Variants in RIC8B observed in about 807,000 individuals in gnomAD.
RIC8B encodes the protein chaperone Ric-8B.
Under a neutral mutation model 57.5 loss-of-function variants are expected in RIC8B, and 16 were observed. That is an observed-to-expected ratio of 0.28 (90% CI 0.19 to 0.42). The LOEUF is 0.42. Ranked by LOEUF, RIC8B falls within the 10% of genes least tolerant of loss-of-function variation. The pLI, the probability that RIC8B is intolerant of heterozygous loss-of-function variation, is 1.00. For missense variants in RIC8B, 481 were observed against 677.0 expected (o/e 0.71, Z 3.21); for synonymous variants, 216 against 250.8 (o/e 0.86, Z 1.31).
chr12:106,869,898 G>A (rs1254221800), intron 8 of RIC8B, among the ~76,000 whole-genome samples: 1 of 152,090 alleles, frequency 6.6e-6, no homozygotes, highest in East Asian at 1.9e-4. Context: ...GAGATTGTGC[G>A]ACTGCACTCC....
At chr12:106,885,876 T>C in intron 9 of RIC8B, 28 bp from the exon 10 acceptor site, 1 of 1,476,796 alleles carries the variant, frequency 6.8e-7, no homozygotes, top group Non-Finnish European at 9.5e-7. Context: ...AATACTTTTT[T>C]TTCTCTCTCT....
intron 2 of RIC8B, among the ~76,000 whole-genome samples, chr12:106,802,399 C>T (rs1239141261): frequency 6.6e-6 from 1 of 152,058 alleles, no homozygotes; most frequent in Non-Finnish European, 1.5e-5. Context: ...ATAATTCAAG[C>T]ATGTGGCTAA....
chr12:106,824,524 T>A (rs1398794439), intron 3 of RIC8B, among the ~76,000 whole-genome samples: 3 of 152,234 alleles, frequency 2.0e-5, no homozygotes, highest in Non-Finnish European at 2.9e-5. Flanking sequence ...TTATGTGAGT[T>A]CTATATATGA....
In RIC8B at chr12:106,867,771, G is replaced by A. The variant is rs1201864146; in HGVS notation, c.1452-3052G>A. Among the ~76,000 whole-genome samples the A allele has an allele frequency of 1.6e-4, 25 of 152,158 alleles. No individual in the cohort carries two copies. The highest frequency in any genetic ancestry group is 4.4e-5 in the Non-Finnish European group (3 of 68,036). ...ACACTGGCATTTTTCCCATAAGAGA[G>A]TGCTACGCTATACTTCAGTGCCCTA... is the stretch of plus-strand genomic sequence containing the variant. On this transcript the variant is annotated intron_variant, in intron 8 of 9. Coordinates refer to ENST00000392837, the MANE Select transcript of RIC8B (RefSeq NM_001330145.2). This position sits in a 1 kb window ranked among gnomAD's most constrained non-coding sequence, Gnocchi z 4.3.
chr12:106,839,681 C>G (rs559192841), intron 4 of RIC8B, among the ~76,000 whole-genome samples: 2 of 152,130 alleles, frequency 1.3e-5, no homozygotes, highest in South Asian at 2.1e-4. Context: ...ATAGGTCTTA[C>G]GTTAAGTGCT....
At chr12:106,822,299 T>C (rs897657734) in intron 3 of RIC8B, 1 of 152,180 alleles carries the variant, frequency 6.6e-6, no homozygotes, top group Non-Finnish European at 1.5e-5. Context: ...GGTGTCCCTG[T>C]AGAGCAACTG....
chr12:106,873,316 T>A, intron 9 of RIC8B: 1 of 321,970 alleles, frequency 3.1e-6, no homozygotes, highest in Non-Finnish European at 4.5e-6. Context: ...ATGACGTGTG[T>A]TGGGCGTTTT....
At chr12:106,811,772 G>C (rs943206612) in intron 2 of RIC8B, among the ~76,000 whole-genome samples, 2 of 152,270 alleles carry the variant, frequency 1.3e-5, no homozygotes, top group South Asian at 4.2e-4. Context: ...GCAGCAGGAA[G>C]GTATGAAAGG....
chr12:106,870,562 G>T (rs1950358296), intron 8 of RIC8B, among the ~76,000 whole-genome samples: 1 of 150,220 alleles, frequency 6.7e-6, no homozygotes, highest in Non-Finnish European at 1.5e-5. Context: ...TTTTTAAAAA[G>T]CAACCATGCC....
intron 9 of RIC8B, among the ~76,000 whole-genome samples, chr12:106,882,779 G>C (rs1160109375): frequency 1.3e-5 from 2 of 152,088 alleles, no homozygotes; most frequent in East Asian, 1.9e-4. Context: ...GCATTACGTA[G>C]AGCCATGTGG....
intron 3 of RIC8B, chr12:106,822,334 C>T (rs2045894575): frequency 6.6e-6 from 1 of 152,108 alleles, no homozygotes; most frequent in African/African-American, 2.4e-5. Flanking sequence ...GGTATAAGTA[C>T]TTTGAAACAC....
intron 2 of RIC8B, among the ~76,000 whole-genome samples, chr12:106,787,856 C>T (rs371096429): frequency 2.6e-5 from 4 of 152,168 alleles, no homozygotes; most frequent in African/African-American, 9.7e-5. Flanking sequence ...CCATATCATT[C>T]TGCCTCTGGC....
intron 7 of RIC8B, among the ~76,000 whole-genome samples, chr12:106,858,123 G>T (rs933215176): frequency 3.3e-5 from 5 of 152,012 alleles, no homozygotes; most frequent in Non-Finnish European, 5.9e-5. Flanking sequence ...GTTTACTTCT[G>T]TTTAACCTAT....
At position 106,834,898 on chromosome 12, in the gene RIC8B, G is replaced by T. The variant is rs7138037; in HGVS notation, c.837-7691G>T. Reference sequence around the variant, plus strand: ...ACTTGGGAGGCTGAGGCAGGAGAATGGCGTGAACCTGGGAGGCAGAGCTTG... The same window carrying T: ...ACTTGGGAGGCTGAGGCAGGAGAATTGCGTGAACCTGGGAGGCAGAGCTTG... On this transcript the variant is annotated intron_variant, in intron 4 of 9. Coordinates refer to ENST00000392837, the MANE Select transcript of RIC8B (RefSeq NM_001330145.2). Among the ~76,000 whole-genome samples, 25 of 149,824 alleles carry T rather than the reference G, an allele frequency of 1.7e-4. 1 individual carries two copies. In the South Asian group the frequency reaches 4.5e-3, roughly 27 times the overall value.
At chr12:106,816,781 G>C (rs548309897) in intron 3 of RIC8B, among the ~76,000 whole-genome samples, 32 of 152,158 alleles carry the variant, frequency 2.1e-4, no homozygotes, top group Non-Finnish European at 3.5e-4. Flanking sequence ...TCAGTATATT[G>C]AGATTATCCC....
At chr12:106,837,947 C>T (rs554743353) in intron 4 of RIC8B, among the ~76,000 whole-genome samples, 6 of 151,892 alleles carry the variant, frequency 4.0e-5, no homozygotes, top group Admixed American at 1.3e-4. Flanking sequence ...GGTCGGGGAT[C>T]GTTCTTTTCG....
At chr12:106,858,044 C>G (rs988109758) in intron 7 of RIC8B, among the ~76,000 whole-genome samples, 2 of 152,036 alleles carry the variant, frequency 1.3e-5, no homozygotes, top group East Asian at 3.9e-4. Flanking sequence ...ATAAAATTGC[C>G]GGGGGCTTTT....
chr12:106,777,765 A>G (rs1444023071), intron 1 of RIC8B, among the ~76,000 whole-genome samples: 2 of 152,224 alleles, frequency 1.3e-5, no homozygotes, highest in Non-Finnish European at 2.9e-5. Context: ...GGATAATATC[A>G]CCATTCTCTT....
At chr12:106,824,895 A>AC (rs2046024994) in intron 3 of RIC8B, among the ~76,000 whole-genome samples, 1 of 152,088 alleles carries the variant, frequency 6.6e-6, no homozygotes, top group Non-Finnish European at 1.5e-5. Flanking sequence ...CGACAAGAGC[A>AC]AAACTCCATC....
Sources: allele counts gnomAD v4.1 joint callset (sites outside exome capture counted in the v4.1 genomes callset), GRCh38; gene constraint gnomAD v4.1.1; non-coding constraint Gnocchi (gnomAD v3.1); transcripts MANE v1.5; gene names NCBI Gene and HGNC (gene_info 2026-07-23, HGNC 2026-07-21).